Variants in KIF20B observed in about 807,000 individuals in gnomAD.
KIF20B encodes the protein kinesin family member 20B, also known as kinesin-like protein KIF20B.
In KIF20B, 188 loss-of-function variants were observed where a neutral mutation model predicts 232.5. The observed-to-expected ratio is 0.81, with a 90% CI of 0.72 to 0.91. KIF20B has a LOEUF of 0.91. Ranked by LOEUF, KIF20B falls within the 40% of genes least tolerant of loss-of-function variation. The pLI, the probability that KIF20B is intolerant of heterozygous loss-of-function variation, is 0.00. For missense variants in KIF20B, 2,154 were observed against 2,055.9 expected (o/e 1.05, Z -0.92); for synonymous variants, 712 against 683.0 (o/e 1.04, Z -0.66).
chr10:89,733,776 A>G (rs1469549875), intron 19 of KIF20B, among the ~76,000 whole-genome samples: 1 of 152,196 alleles, frequency 6.6e-6, no homozygotes, highest in Non-Finnish European at 1.5e-5. Flanking sequence ...GGACAGTGTA[A>G]ATTATACATA....
chr10:89,741,301 G>C (rs1002434879), intron 21 of KIF20B, among the ~76,000 whole-genome samples: 4 of 152,180 alleles, frequency 2.6e-5, no homozygotes, highest in African/African-American at 9.7e-5. Flanking sequence ...GTGATGGGGA[G>C]TGGCTGTAAA....
intron 17 of KIF20B, among the ~76,000 whole-genome samples, chr10:89,728,515 T>G (rs1473062482): frequency 2.7e-5 from 4 of 150,852 alleles, no homozygotes; most frequent in Non-Finnish European, 4.4e-5. Context: ...TTAGTTTTAT[T>G]TATTTATTGT....
chr10:89,735,882 T>G (rs180731006), intron 19 of KIF20B, among the ~76,000 whole-genome samples: 1 of 152,320 alleles, frequency 6.6e-6, no homozygotes, highest in East Asian at 1.9e-4. Context: ...AAGCCAAACC[T>G]ACATTATAAT....
intron 22 of KIF20B, among the ~76,000 whole-genome samples, chr10:89,745,128 TAC>T (rs1433370333): frequency 6.6e-6 from 1 of 152,212 alleles, no homozygotes; most frequent in African/African-American, 2.4e-5. Context: ...CTATGTTAAA[TAC>T]ACAGTAGAAC....
intron 2 of KIF20B, among the ~76,000 whole-genome samples, chr10:89,708,070 G>A (rs888547150): frequency 1.6e-4 from 25 of 152,140 alleles, no homozygotes; most frequent in African/African-American, 4.3e-4. Context: ...GAAATTTTGC[G>A]TATATCTTAA....
chr10:89,719,415 A>C lies in KIF20B; in HGVS notation c.1435-4A>C. 6.5e-7 allele frequency: 1 copy of C among 1,543,262 alleles called. No individual in the cohort carries two copies. The highest frequency in any genetic ancestry group is 8.7e-7 in the Non-Finnish European group (1 of 1,147,024). On this transcript the variant is annotated splice_region_variant and splice_polypyrimidine_tract_variant and intron_variant, in intron 12 of 32. Coordinates refer to ENST00000371728, the MANE Select transcript of KIF20B (RefSeq NM_001284259.2). ...TTTAAAAGTCACATTGAATATTTTAACAGGTTTGTGTCCCAGACACTTTAA... is the reference window on the plus strand; with the variant it reads ...TTTAAAAGTCACATTGAATATTTTACCAGGTTTGTGTCCCAGACACTTTAA...
At chr10:89,745,032 G>A (rs1352836212) in intron 22 of KIF20B, among the ~76,000 whole-genome samples, 3 of 152,154 alleles carry the variant, frequency 2.0e-5, no homozygotes, top group Admixed American at 1.3e-4. Flanking sequence ...TACTTTCTAG[G>A]TAAAAGGGGT....
At chr10:89,757,022 T>TTGTGTGTG (rs377304425) in intron 26 of KIF20B, among the ~76,000 whole-genome samples, 2,974 of 122,610 alleles carry the variant, frequency 0.024, 178 homozygotes, top group African/African-American at 0.091. Context: ...TATATCTCTG[T>TTGTGTGTG]TGTGTGTGTG....
chr10:89,767,215 G>T (rs2133176127), intron 29 of KIF20B, among the ~76,000 whole-genome samples: 1 of 144,914 alleles, frequency 6.9e-6, no homozygotes, highest in East Asian at 2.0e-4. Flanking sequence ...AAGTTCTGTG[G>T]TATGTGTGCA....
At chr10:89,729,382 T>A in intron 18 of KIF20B, 135 bp downstream of exon 18, 1 of 903,138 alleles carries the variant, frequency 1.1e-6, no homozygotes, top group Non-Finnish European at 1.5e-6. Flanking sequence ...AACATTGAAC[T>A]CAATTTACTG....
chr10:89,702,745 C>G (rs911133292), intron 1 of KIF20B, among the ~76,000 whole-genome samples: 1 of 140,912 alleles, frequency 7.1e-6, no homozygotes. Flanking sequence ...ATATTACAGA[C>G]TAGGACCGAC....
intron 5 of KIF20B, 121 bp downstream of exon 5, chr10:89,710,186 A>T: frequency 2.3e-6 from 2 of 866,352 alleles, no homozygotes; most frequent in Non-Finnish European, 3.4e-6. Flanking sequence ...TCTATTTTTA[A>T]TAGTACTAGC....
intron 24 of KIF20B, among the ~76,000 whole-genome samples, 195 bp downstream of exon 24, chr10:89,751,666 A>AAAG (rs1160913): frequency 0.34 from 51,768 of 151,676 alleles, 10,013 homozygotes; most frequent in East Asian, 0.57. Context: ...TATATGCAGT[A>AAAG]AAGGAGTAAG....
At chr10:89,741,341 C>T (rs1841789777) in intron 21 of KIF20B, among the ~76,000 whole-genome samples, 1 of 152,132 alleles carries the variant, frequency 6.6e-6, no homozygotes, top group African/African-American at 2.4e-5. Flanking sequence ...CCTTGTCTGC[C>T]GCTCACCTCC....
chr10:89,765,578 G>A lies in KIF20B; in HGVS notation c.4990-2712G>A, dbSNP rs563243920. ...ACCAAAAAAGAGCCCGCATCGCCAA[G>A]TCAATCCTAAGCCAAAAGAACAAAG... On this transcript the variant is annotated intron_variant, in intron 29 of 32. Transcript: ENST00000371728. 1.6e-4 allele frequency among the ~76,000 whole-genome samples: 24 copies of A among 152,218 alleles called. 1 individual carries two copies. In the South Asian group the frequency reaches 4.1e-3, roughly 26 times the overall value.
intron 5 of KIF20B, 136 bp from the exon 6 acceptor site, chr10:89,710,825 G>T (rs1842822507): frequency 5.2e-6 from 3 of 571,928 alleles, no homozygotes; most frequent in Non-Finnish European, 9.0e-6. Flanking sequence ...GGAAAACTGA[G>T]TAATCCTTAG....
rs958119693 is a variant in KIF20B, at chr10:89,719,500, A to G, written c.1516A>G (p.Ser506Gly). ...ATCTTCTCAAGATGTATCACTAGAC[A>G]GTAATTCAAACAGTAAAATATTAAA... is the stretch of plus-strand genomic sequence containing the variant. ...VKSSQDVSLDSNSNSKILNVK... is the reference protein window; with the variant it reads ...VKSSQDVSLDGNSNSKILNVK... Residue 506 changes from serine (S) to glycine (G), a missense_variant, in exon 13 of 33, where the codon AGT (serine) becomes GGT (glycine). By Grantham distance (56) the Ser-to-Gly change is moderately conservative. Transcript: ENST00000371728. 4.3e-6 allele frequency: 7 copies of G among 1,609,208 alleles called. No homozygotes were observed. The highest frequency in any genetic ancestry group is 1.1e-5 in the South Asian group (1 of 90,868).
chr10:89,723,770 G>T, intron 13 of KIF20B, 194 bp from the exon 14 acceptor site: 2 of 440,692 alleles, frequency 4.5e-6, no homozygotes, highest in East Asian at 4.8e-5. Flanking sequence ...CTAAAATGTG[G>T]AAAGGCCAAC....
chr10:89,757,056 A>ATATATG (rs1191751213), intron 26 of KIF20B, among the ~76,000 whole-genome samples: 2 of 126,874 alleles, frequency 1.6e-5, no homozygotes, highest in Admixed American at 8.9e-5. Context: ...ATATATATAT[A>ATATATG]TATATATATA....
Sources: gnomAD v4.1 joint callset for allele counts (sites outside exome capture counted in the v4.1 genomes callset) on GRCh38, gnomAD v4.1.1 for gene constraint, MANE v1.5 for transcripts, NCBI Gene and HGNC (gene_info 2026-07-23, HGNC 2026-07-21) for gene names.